Variants in TRIM67 observed in about 807,000 individuals in gnomAD.
TRIM67 encodes tripartite motif-containing protein 67.
Under a neutral mutation model 71.0 loss-of-function variants are expected in TRIM67, and 39 were observed. That is an observed-to-expected ratio of 0.55 (90% CI 0.43 to 0.72). The LOEUF (loss-of-function observed/expected upper bound fraction) is 0.72, where lower values mean the gene tolerates loss of function less well. Ranked by LOEUF, TRIM67 falls within the 30% of genes least tolerant of loss-of-function variation. The pLI is 0.00. For synonymous variants in TRIM67, 481 were observed against 473.9 expected (o/e 1.01, Z -0.19); for missense variants, 973 against 1,079.2 (o/e 0.90, Z 1.38).
intron 1 of TRIM67, chr1:231,187,754 G>A (rs1683126365): frequency 1.7e-6 from 1 of 595,254 alleles, no homozygotes; most frequent in East Asian, 2.8e-5. Flanking sequence ...CAGAGGGACA[G>A]CGGGCAAGCT....
rs1197354600 is a variant in TRIM67 at position 231,209,944 on chromosome 1, C to A, written c.2123+694C>A. Among the ~76,000 whole-genome samples, 1 of 152,140 alleles carries A rather than the reference C, an allele frequency of 6.6e-6. No homozygotes were observed. The highest frequency in any genetic ancestry group is 1.5e-5 in the Non-Finnish European group (1 of 68,002). The stretch of plus-strand genomic sequence containing the variant: ...GGGTCCTCCAGGGCTGCCCCTGAGG[C>A]CTGGGCTTCTCTAGGGTGCCTTGGT... On this transcript the variant is annotated intron_variant, in intron 8 of 9. Transcript: ENST00000366653. This position sits in a 1 kb window ranked among gnomAD's most constrained non-coding sequence, Gnocchi z 4.1.
Position 231,219,110 on chromosome 1 carries a change from T to A in TRIM67, c.*3670T>A. The A allele has an allele frequency of 1.0e-6, 1 of 985,184 alleles. No homozygotes were observed. The highest frequency in any genetic ancestry group is 1.2e-6 in the Non-Finnish European group (1 of 829,922). 61.0% of individuals were successfully genotyped at this position (985,184 alleles called of 1,614,324 possible). On this transcript the variant is annotated 3_prime_UTR_variant, in exon 10 of 10. Transcript: ENST00000366653. The stretch of plus-strand genomic sequence containing the variant: ...CTGGCTTTGAGGTAGTGAGGGAGGG[T>A]CAATCCTTAGGGGGAGTCAACATGT...
At chr1:231,175,171 G>A (rs1682713233) in intron 1 of TRIM67, among the ~76,000 whole-genome samples, 1 of 152,228 alleles carries the variant, frequency 6.6e-6, no homozygotes, top group African/African-American at 2.4e-5. Context: ...GGGAGGGCGT[G>A]AGTTTTACCT....
intron 1 of TRIM67, among the ~76,000 whole-genome samples, chr1:231,197,114 C>T (rs981874428): frequency 2.0e-5 from 3 of 152,208 alleles, no homozygotes; most frequent in African/African-American, 7.2e-5. Context: ...TTGCTTCAAC[C>T]CGTTAGCTGA....
chr1:231,174,622 C>G (rs922153739), intron 1 of TRIM67, among the ~76,000 whole-genome samples: 2 of 152,092 alleles, frequency 1.3e-5, no homozygotes, highest in Non-Finnish European at 2.9e-5. Flanking sequence ...TCTGTCTCCA[C>G]TCTGCATTTT....
chr1:231,169,639 A>G (rs1571868701), intron 1 of TRIM67, among the ~76,000 whole-genome samples: 2 of 151,794 alleles, frequency 1.3e-5, no homozygotes, highest in East Asian at 3.9e-4. Flanking sequence ...TCGGCCTCCC[A>G]AAGTGCTGGG....
intron 6 of TRIM67, among the ~76,000 whole-genome samples, 198 bp downstream of exon 6, chr1:231,204,210 G>A (rs1056955034): frequency 1.3e-5 from 2 of 152,220 alleles, no homozygotes; most frequent in Non-Finnish European, 2.9e-5. Flanking sequence ...GACTGACACA[G>A]GCGTGGGGCT....
Position 231,218,095 on chromosome 1 carries a change from G to A in TRIM67, c.*2655G>A. On this transcript the variant is annotated 3_prime_UTR_variant, in exon 10 of 10. Coordinates refer to ENST00000366653, the MANE Select transcript of TRIM67 (RefSeq NM_001004342.5). ...TCAATGTTCTGACTTCAAAGAGAAC[G>A]ACAGGTCCGTGCCACACACTTGTGT... 6.3e-6 allele frequency: 7 copies of A among 1,103,400 alleles called. No individual in the cohort carries two copies. The highest frequency in any genetic ancestry group is 2.3e-5 in the South Asian group (1 of 43,228). 68.4% of individuals were successfully genotyped at this position (1,103,400 alleles called of 1,614,324 possible).
chr1:231,192,388 C>T (rs1303432420), intron 1 of TRIM67, among the ~76,000 whole-genome samples: 1 of 152,126 alleles, frequency 6.6e-6, no homozygotes, highest in African/African-American at 2.4e-5. Context: ...TTATGTTGCC[C>T]AGGCTGGTCT....
intron 9 of TRIM67, among the ~76,000 whole-genome samples, chr1:231,214,427 T>C (rs904916792): frequency 6.6e-5 from 10 of 152,100 alleles, no homozygotes; most frequent in African/African-American, 2.4e-4. Flanking sequence ...CATCAATCAC[T>C]GATTGATCGA....
At chr1:231,165,455 T>C (rs1682428548) in intron 1 of TRIM67, among the ~76,000 whole-genome samples, 1 of 152,256 alleles carries the variant, frequency 6.6e-6, no homozygotes, top group Non-Finnish European at 1.5e-5. Flanking sequence ...ATAAATAACA[T>C]TAAATGTTGC....
intron 7 of TRIM67, 99 bp downstream of exon 7, chr1:231,206,889 T>G (rs1571900564): frequency 2.0e-5 from 25 of 1,255,660 alleles, no homozygotes; most frequent in East Asian, 2.8e-5. Flanking sequence ...GGGGTAGGGG[T>G]GGGGGGTGGT....
Position 231,182,408 on chromosome 1 carries a change from T to TA in TRIM67, c.1045-14953dup, listed in dbSNP as rs954927494. On this transcript the variant is annotated intron_variant, in intron 1 of 9. Coordinates refer to ENST00000366653, the MANE Select transcript of TRIM67 (RefSeq NM_001004342.5). ...GAGACCCTGTCCTAAAAAACAAATT[T>TA]AAAAAAAAAATAGTAAATACACGAT... Among the ~76,000 whole-genome samples the TA allele has an allele frequency of 2.9e-4, 43 of 148,798 alleles. No homozygotes were observed. In the South Asian group the frequency reaches 3.0e-3, roughly 10 times the overall value.
At position 231,201,527 on chromosome 1, in the gene TRIM67, G is replaced by A. The variant is rs201839453; in HGVS notation, c.1534+10G>A. On this transcript the variant is annotated intron_variant, in intron 5 of 9. Transcript: ENST00000366653. ...CAGATGAAATGTAGGGGTGAGCCGC[G>A]GTTGGCCCCAGTTCAGTCAGTGCTT... 110 of 1,612,506 alleles carry A rather than the reference G, an allele frequency of 6.8e-5. No individual in the cohort carries two copies. Among genetic ancestry groups the A allele is most frequent in the Non-Finnish European group, 8.2e-5 (97 of 1,179,390 alleles).
At chr1:231,202,918 CACTGGACTGGTCAGGGGTA>C (rs1331222766) in intron 5 of TRIM67, among the ~76,000 whole-genome samples, 4 of 152,032 alleles carry the variant, frequency 2.6e-5, no homozygotes, top group African/African-American at 4.8e-5. Context: ...TGGATGTGGT[CACTGGACTGGTCAGGGGTA>C]ACTGGACTGG....
chr1:231,218,905 G>A lies in TRIM67; in HGVS notation c.*3465G>A, dbSNP rs1200774924. 1 of 985,510 alleles carries A rather than the reference G, an allele frequency of 1.0e-6. No individual in the cohort carries two copies. The highest frequency in any genetic ancestry group is 1.2e-6 in the Non-Finnish European group (1 of 829,974). 61.0% of individuals were successfully genotyped at this position (985,510 alleles called of 1,614,324 possible). ...TGCCCCTGCCCTCCGCCCCACCACA[G>A]CACTCTCAGGAAAGGATCAGAATGC... On this transcript the variant is annotated 3_prime_UTR_variant, in exon 10 of 10. Transcript: ENST00000366653.
At chr1:231,187,505 A>G (rs902224546) in intron 1 of TRIM67, 1 of 1,516,098 alleles carries the variant, frequency 6.6e-7, no homozygotes, top group South Asian at 1.3e-5. Flanking sequence ...GGTTAAAAAA[A>G]AAAAACAATA....
intron 2 of TRIM67, 39 bp downstream of exon 2, chr1:231,197,505 T>C: frequency 2.5e-6 from 4 of 1,588,376 alleles, no homozygotes; most frequent in Non-Finnish European, 3.5e-6. Flanking sequence ...TACTCAGTGT[T>C]GAAAGTTTGC....
At chr1:231,197,616 G>A in intron 2 of TRIM67, 150 bp downstream of exon 2, 1 of 620,730 alleles carries the variant, frequency 1.6e-6, no homozygotes, top group Admixed American at 2.9e-5. Flanking sequence ...ACCTGAGATT[G>A]GGAGTTTGAG....
Sources: gnomAD v4.1 joint callset for allele counts (sites outside exome capture counted in the v4.1 genomes callset) on GRCh38, gnomAD v4.1.1 for gene constraint, Gnocchi (gnomAD v3.1) non-coding constraint, MANE v1.5 for transcripts, NCBI Gene and HGNC (gene_info 2026-07-23, HGNC 2026-07-21) for gene names.